The following TRPC5 variants were observed in gnomAD, a reference collection of about 807,000 sequenced individuals.
TRPC5 encodes short transient receptor potential channel 5.
A neutral mutation model predicts 56.5 loss-of-function variants in TRPC5; 9 were observed. That is an observed-to-expected ratio of 0.16 (90% CI 0.10 to 0.28). The LOEUF (loss-of-function observed/expected upper bound fraction) is 0.28. Among genes scored for constraint, TRPC5 ranks in the 10% least tolerant of loss-of-function variants. TRPC5 has a pLI of 1.00. For missense variants in TRPC5, 469 were observed against 748.9 expected, an observed-to-expected ratio of 0.63 and a Z score of 4.36; for synonymous variants, 282 against 278.5, an observed-to-expected ratio of 1.01 and a Z score of -0.13.
chrX:111,879,533 A>G (rs1272190030), intron 3 of TRPC5, among the ~76,000 whole-genome samples: 1 of 112,471 alleles, frequency 8.9e-6, no homozygotes, highest in East Asian at 2.8e-4. Flanking sequence ...TAAACCAGTC[A>G]GCACATCTTT....
intron 3 of TRPC5, among the ~76,000 whole-genome samples, chrX:111,896,710 G>C (rs1481993703): frequency 8.9e-6 from 1 of 111,736 alleles, no homozygotes; most frequent in Non-Finnish European, 1.9e-5. Flanking sequence ...TGAGATGTCA[G>C]CTCTGGCCCT....
chrX:111,960,600 A>G (rs1166808393), intron 1 of TRPC5, among the ~76,000 whole-genome samples: 1 of 111,284 alleles, frequency 9.0e-6, no homozygotes, highest in South Asian at 3.8e-4. Flanking sequence ...AAGCAGCGTA[A>G]TTCGTTAAAA....
intron 1 of TRPC5, among the ~76,000 whole-genome samples, chrX:112,010,166 T>C (rs1928954097): frequency 8.9e-6 from 1 of 111,737 alleles, no homozygotes; most frequent in African/African-American, 3.3e-5. Flanking sequence ...TGCTCCACAG[T>C]AGCTGTGTGA....
At chrX:111,943,203 G>A (rs1926826829) in intron 2 of TRPC5, among the ~76,000 whole-genome samples, 1 of 112,345 alleles carries the variant, frequency 8.9e-6, no homozygotes, top group East Asian at 2.8e-4. Context: ...TCTAATAAGT[G>A]TCTGACTTCA....
chrX:112,032,936 T>G (rs1267982601), intron 1 of TRPC5, among the ~76,000 whole-genome samples: 1 of 110,813 alleles, frequency 9.0e-6, no homozygotes, highest in Non-Finnish European at 1.9e-5. Context: ...AAATGCATAG[T>G]CAAGTTTTTT....
At chrX:111,777,081 TG>T in intron 10 of TRPC5, 79 bp from the exon 11 acceptor site, 1 of 845,053 alleles carries the variant, frequency 1.2e-6, no homozygotes, top group Non-Finnish European at 1.6e-6. Context: ...ACCTTTGGTA[TG>T]TTCCAGGTTT....
At chrX:112,052,973 T>C (rs1456169477) in intron 1 of TRPC5, among the ~76,000 whole-genome samples, 1 of 111,908 alleles carries the variant, frequency 8.9e-6, no homozygotes, top group Non-Finnish European at 1.9e-5. Context: ...ATGTCTGCCT[T>C]TGTGTGCCAG....
intron 6 of TRPC5, among the ~76,000 whole-genome samples, chrX:111,846,491 A>G (rs1922931037): frequency 8.9e-6 from 1 of 112,110 alleles, no homozygotes; most frequent in African/African-American, 3.2e-5. Context: ...ATGTGTTCAG[A>G]GGCAGTGGAC....
At chrX:112,072,799 G>A (rs1010116710) in intron 1 of TRPC5, among the ~76,000 whole-genome samples, 1 of 110,691 alleles carries the variant, frequency 9.0e-6, no homozygotes, top group African/African-American at 3.3e-5. Context: ...ACTCTTGTCA[G>A]ATCGATCTCT....
chrX:111,826,260 G>C (rs1273452156), intron 7 of TRPC5, among the ~76,000 whole-genome samples: 2 of 111,951 alleles, frequency 1.8e-5, no homozygotes, highest in African/African-American at 6.5e-5. Flanking sequence ...GCTTCCTAAT[G>C]GTATCACCTG....
intron 3 of TRPC5, among the ~76,000 whole-genome samples, chrX:111,857,596 A>AT (rs1433655405): frequency 8.9e-6 from 1 of 112,467 alleles, no homozygotes; most frequent in Non-Finnish European, 1.9e-5. Flanking sequence ...GGATTAGCAG[A>AT]TTTTTCTGTA....
chrX:111,777,022 A>G lies in TRPC5; in HGVS notation c.2233-20T>C, dbSNP rs768367895. On this transcript the variant is annotated intron_variant, in intron 10 of 10. Coordinates refer to ENST00000262839, the MANE Select transcript of TRPC5 (RefSeq NM_012471.3). ...TAATTCCTGGGAAAAGAGAGGAGAC[A>G]TATTATGTCAAGAAGCTTGGTCTTT... is the stretch of plus-strand genomic sequence containing the variant. 1 of 1,093,408 alleles carries G rather than the reference A, an allele frequency of 9.1e-7. No individual in the cohort carries two copies. The highest frequency in any genetic ancestry group is 1.2e-6 in the Non-Finnish European group (1 of 832,109). The allele number at this position is 1,093,408 out of a possible 1,213,427, so 90.1% of individuals were successfully genotyped here.
chrX:111,861,666 C>T (rs1166231654), intron 3 of TRPC5, among the ~76,000 whole-genome samples: 3 of 111,031 alleles, frequency 2.7e-5, no homozygotes, highest in African/African-American at 9.8e-5. Flanking sequence ...GGCAAAGTAG[C>T]GCTGAAATAT....
chrX:111,836,057 A>G (rs1236818411), intron 6 of TRPC5, among the ~76,000 whole-genome samples: 1 of 111,554 alleles, frequency 9.0e-6, no homozygotes, highest in Non-Finnish European at 1.9e-5. Flanking sequence ...GCCCAAGGAC[A>G]CCTTACTAGT....
intron 1 of TRPC5, among the ~76,000 whole-genome samples, chrX:112,028,995 C>G (rs779827726): frequency 8.9e-6 from 1 of 112,561 alleles, no homozygotes; most frequent in South Asian, 3.7e-4. Flanking sequence ...ACAAAAGCTT[C>G]TTGCCTTTCA....
intron 1 of TRPC5, among the ~76,000 whole-genome samples, chrX:112,028,414 A>C (rs943768784): frequency 9.0e-6 from 1 of 111,053 alleles, no homozygotes; most frequent in Admixed American, 9.6e-5. Flanking sequence ...TCCTAATGCA[A>C]TCGCTCCCCC....
At chrX:111,853,679 G>A (rs1343690526) in intron 4 of TRPC5, 91 bp downstream of exon 4, 1 of 937,810 alleles carries the variant, frequency 1.1e-6, no homozygotes, top group African/African-American at 2.0e-5. Context: ...GGGTGCCCTA[G>A]TTCAGAGCTA....
intron 3 of TRPC5, among the ~76,000 whole-genome samples, chrX:111,908,620 C>A (rs111794131): frequency 0.011 from 1,251 of 111,258 alleles, 17 homozygotes; most frequent in African/African-American, 0.037. Context: ...ATAATTCAGT[C>A]TACTAAATAC....
At chrX:111,931,103 C>T (rs1388810005) in intron 2 of TRPC5, 1 of 110,906 alleles carries the variant, frequency 9.0e-6, no homozygotes, top group Non-Finnish European at 1.9e-5. Flanking sequence ...TTTGGCAAGA[C>T]ATCCATAATG....
Sources: allele counts gnomAD v4.1 joint callset (sites outside exome capture counted in the v4.1 genomes callset), GRCh38; gene constraint gnomAD v4.1.1; transcripts MANE v1.5; gene names NCBI Gene and HGNC (gene_info 2026-07-23, HGNC 2026-07-21).